The following FAM186A variants were observed in gnomAD, a reference collection of about 807,000 sequenced individuals.
FAM186A encodes family with sequence similarity 186 member A.
FAM186A carries 163 observed loss-of-function variants against 216.8 expected under a neutral mutation model. The ratio of observed to expected loss-of-function variants is 0.75; its 90% confidence interval spans 0.66 to 0.86. The LOEUF is 0.86. Among genes scored for constraint, FAM186A ranks in the 40% least tolerant of loss-of-function variants. The probability of loss-of-function intolerance (pLI) is 0.00; values close to 1 mark genes in which losing one functional copy is unlikely to be tolerated. For synonymous variants in FAM186A, 805 were observed against 1,025.3 expected (o/e 0.79, Z 4.10); for missense variants, 2,184 against 2,746.2 (o/e 0.80, Z 4.58).
chr12:50,383,551 G>A (rs963929464), intron 1 of FAM186A, among the ~76,000 whole-genome samples: 5 of 151,856 alleles, frequency 3.3e-5, no homozygotes, highest in Middle Eastern at 3.4e-3. Flanking sequence ...AGCCAAGATC[G>A]CGCCACTCAA....
At chr12:50,335,720 C>T (rs1417592373) in intron 4 of FAM186A, among the ~76,000 whole-genome samples, 1 of 151,320 alleles carries the variant, frequency 6.6e-6, no homozygotes, top group Non-Finnish European at 1.5e-5. Flanking sequence ...TTCAAAAGCA[C>T]TTATAATCCA....
chr12:50,370,616 T>C (rs1943134797), intron 1 of FAM186A, among the ~76,000 whole-genome samples: 1 of 152,146 alleles, frequency 6.6e-6, no homozygotes, highest in African/African-American at 2.4e-5. Context: ...TTAAAAATAG[T>C]ATCACTATAT....
Position 50,327,361 on chromosome 12 carries a change from A to G in FAM186A, c.*22T>C. 6.5e-7 allele frequency: 1 copy of G among 1,537,940 alleles called. No individual in the cohort carries two copies. Among genetic ancestry groups the G allele is most frequent in the South Asian group, 1.2e-5 (1 of 83,388 alleles). On this transcript the variant is annotated 3_prime_UTR_variant, in exon 8 of 8. Coordinates refer to ENST00000327337, the MANE Select transcript of FAM186A (RefSeq NM_001145475.3). ...AAAGATACTGAAATGTACTTTCAAC[A>G]TGCTTGTATTTAATTTTACAGTCAT... is the stretch of plus-strand genomic sequence containing the variant.
chr12:50,350,880 G>A lies in FAM186A; in HGVS notation c.5952C>T (p.Thr1984=). 1 of 1,551,708 alleles carries A rather than the reference G, an allele frequency of 6.4e-7. No individual in the cohort carries two copies. Among genetic ancestry groups the A allele is most frequent in the African/African-American group, 1.4e-5 (1 of 73,180 alleles). ...PDFKVAQVPF[T]TKKFQMSEVS... ...CCTCCGACATTTGGAACTTCTTAGT[G>A]GTGAAAGGAACTTGAGCTACCTTGA... The change falls in exon 4 of 8, where the codon ACC becomes ACT. Residue 1984 remains threonine (T), a synonymous_variant. Transcript: ENST00000327337.
At position 50,327,540 on chromosome 12, in the gene FAM186A, C is replaced by CTT. The variant is rs781530836; in HGVS notation, c.7035-138_7035-137dup. The CTT allele has an allele frequency of 2.5e-3, 1,185 of 474,888 alleles. 1 individual carries two copies. Among genetic ancestry groups the CTT allele is most frequent in the East Asian group, 8.3e-3 (217 of 26,126 alleles). The allele number at this position is 474,888 out of a possible 1,614,324, so 29.4% of individuals were successfully genotyped here. ...AAACTAGTAAAATCTGTATGTAATC[C>CTT]TTTTTTTTTTTTTTTTTTTGAGACA... is the stretch of plus-strand genomic sequence containing the variant. On this transcript the variant is annotated intron_variant, in intron 7 of 7. Transcript: ENST00000327337.
intron 7 of FAM186A, among the ~76,000 whole-genome samples, chr12:50,329,679 C>A (rs1265796809): frequency 6.6e-6 from 1 of 151,550 alleles, no homozygotes; most frequent in Non-Finnish European, 1.5e-5. Context: ...CTCACTGCAA[C>A]CTCCACCTCC....
chr12:50,362,616 T>C (rs758386564), intron 2 of FAM186A, among the ~76,000 whole-genome samples: 3 of 151,758 alleles, frequency 2.0e-5, no homozygotes, highest in Non-Finnish European at 4.4e-5. Flanking sequence ...TGGTGCTGCA[T>C]GCCTCTGGTC....
Position 50,350,876 on chromosome 12 carries a change from T to C in FAM186A, c.5956A>G (p.Lys1986Glu). ...GAGACCTCCGACATTTGGAACTTCTTAGTGGTGAAAGGAACTTGAGCTACC... is the reference window on the plus strand; with the variant it reads ...GAGACCTCCGACATTTGGAACTTCTCAGTGGTGAAAGGAACTTGAGCTACC... ...FKVAQVPFTTKKFQMSEVSDT... is the reference protein window; with the variant it reads ...FKVAQVPFTTEKFQMSEVSDT... The change falls in exon 4 of 8, where the codon AAG (lysine) becomes GAG (glutamate). Residue 1986 changes from lysine to glutamate, a missense_variant. Physicochemically the swap from Lys to Glu is moderately conservative, Grantham distance 56. Coordinates refer to ENST00000327337, the MANE Select transcript of FAM186A (RefSeq NM_001145475.3). 1.3e-6 allele frequency: 2 copies of C among 1,551,726 alleles called. No individual in the cohort carries two copies. The highest frequency in any genetic ancestry group is 8.7e-7 in the Non-Finnish European group (1 of 1,146,996).
chr12:50,367,021 A>G (rs187904196), intron 1 of FAM186A, among the ~76,000 whole-genome samples: 2 of 152,192 alleles, frequency 1.3e-5, no homozygotes, highest in African/African-American at 4.8e-5. Context: ...CTTAACACAA[A>G]CAAAAAACAT....
intron 1 of FAM186A, among the ~76,000 whole-genome samples, chr12:50,384,323 G>A (rs549516483): frequency 6.6e-6 from 1 of 152,188 alleles, no homozygotes; most frequent in African/African-American, 2.4e-5. Context: ...TGGTCGGCAA[G>A]CTGAGGCTGG....
At chr12:50,366,312 G>A (rs1422037495) in intron 1 of FAM186A, among the ~76,000 whole-genome samples, 2 of 152,074 alleles carry the variant, frequency 1.3e-5, no homozygotes, top group Admixed American at 1.3e-4. Flanking sequence ...ATAGCACAGT[G>A]AACAAAGAAA....
At chr12:50,378,181 G>C in intron 1 of FAM186A, among the ~76,000 whole-genome samples, 1 of 149,580 alleles carries the variant, frequency 6.7e-6, no homozygotes, top group South Asian at 2.1e-4. Context: ...CCGAGATTGC[G>C]ACATTACACT....
chr12:50,390,023 T>G (rs540278082), intron 1 of FAM186A, among the ~76,000 whole-genome samples: 66 of 152,256 alleles, frequency 4.3e-4, no homozygotes, highest in African/African-American at 1.6e-3. Flanking sequence ...GGAGTCAGTG[T>G]GGGGATTCTG....
chr12:50,361,347 T>G (rs1275603663), intron 2 of FAM186A, among the ~76,000 whole-genome samples: 2 of 151,798 alleles, frequency 1.3e-5, no homozygotes, highest in Non-Finnish European at 2.9e-5. Flanking sequence ...TACAGGCATG[T>G]GCCGCCATGC....
chr12:50,347,927 C>G (rs927593969), intron 4 of FAM186A, among the ~76,000 whole-genome samples: 1 of 151,688 alleles, frequency 6.6e-6, no homozygotes, highest in African/African-American at 2.4e-5. Flanking sequence ...TTTTTTGAGA[C>G]GACGGCACAG....
chr12:50,381,448 C>A (rs1011579314), intron 1 of FAM186A, among the ~76,000 whole-genome samples: 3 of 151,980 alleles, frequency 2.0e-5, no homozygotes, highest in African/African-American at 7.2e-5. Context: ...CAATGAGTGT[C>A]CAGCTGTCAG....
chr12:50,368,493 T>C (rs1054711743), intron 1 of FAM186A, among the ~76,000 whole-genome samples: 2 of 152,024 alleles, frequency 1.3e-5, no homozygotes, highest in African/African-American at 4.8e-5. Context: ...CACTACAAAA[T>C]GTTACTGAGA....
chr12:50,376,121 G>A (rs1051656618), intron 1 of FAM186A, among the ~76,000 whole-genome samples: 1 of 152,204 alleles, frequency 6.6e-6, no homozygotes, highest in Non-Finnish European at 1.5e-5. Flanking sequence ...GTCTGGATGA[G>A]GGAAACTCAG....
chr12:50,384,776 C>T (rs1943286503), intron 1 of FAM186A, among the ~76,000 whole-genome samples: 1 of 151,868 alleles, frequency 6.6e-6, no homozygotes. Flanking sequence ...AAACTTACAC[C>T]ATATACAAAA....
Sources: gnomAD v4.1 joint callset for allele counts (sites outside exome capture counted in the v4.1 genomes callset) on GRCh38, gnomAD v4.1.1 for gene constraint, MANE v1.5 for transcripts, NCBI Gene and HGNC (gene_info 2026-07-23, HGNC 2026-07-21) for gene names.